Variants in TBC1D12 observed in about 807,000 individuals in gnomAD.
The protein encoded by TBC1D12 is TBC1 domain family, member 12.
A neutral mutation model predicts 86.7 loss-of-function variants in TBC1D12; 56 were observed. The ratio of observed to expected loss-of-function variants is 0.65; its 90% CI spans 0.52 to 0.81. The LOEUF (loss-of-function observed/expected upper bound fraction) is 0.81, where lower values mean the gene tolerates loss of function less well. TBC1D12 is among the 30% of genes least tolerant of loss of function. The pLI, the probability that TBC1D12 is intolerant of heterozygous loss-of-function variation, is 0.00. For synonymous variants in TBC1D12, 421 were observed against 411.7 expected, an observed-to-expected ratio of 1.02 and a Z score of -0.27; for missense variants, 1,023 against 1,038.8, an observed-to-expected ratio of 0.98 and a Z score of 0.21.
At chr10:94,444,462 C>G (rs17518932) in intron 2 of TBC1D12, among the ~76,000 whole-genome samples, 1 of 151,948 alleles carries the variant, frequency 6.6e-6, no homozygotes, top group Non-Finnish European at 1.5e-5. Flanking sequence ...AGTAACGTCT[C>G]TCGTCTAGAA....
rs546065811 is a variant in TBC1D12, at chr10:94,439,158, T to C, written c.972-2738T>C. On this transcript the variant is annotated intron_variant, in intron 1 of 12. Transcript: ENST00000225235. The stretch of plus-strand genomic sequence containing the variant: ...TTTGGTGGGGAGACTGACCCCTAGA[T>C]CTTTCTATTCTGTCATTTTGCATCC... Among the ~76,000 whole-genome samples the C allele has an allele frequency of 1.2e-4, 19 of 152,280 alleles. No homozygotes were observed. The East Asian group carries it at 3.1e-3, about 25-fold the overall frequency.
chr10:94,426,388 A>G (rs568894634), intron 1 of TBC1D12, among the ~76,000 whole-genome samples: 38 of 151,864 alleles, frequency 2.5e-4, no homozygotes, highest in African/African-American at 8.9e-4. Context: ...TGGATTTTTT[A>G]TTTTATTAGT....
rs770516137 is a variant in TBC1D12, at chr10:94,531,448, A to G, written c.2247A>G (p.Lys749=). The G allele has an allele frequency of 6.2e-7, 1 of 1,612,734 alleles. No homozygotes were observed. Among genetic ancestry groups the G allele is most frequent in the Non-Finnish European group, 8.5e-7 (1 of 1,179,134 alleles). Residue 749 remains lysine (K), a synonymous_variant, in exon 12 of 13, where the codon AAA becomes AAG. Coordinates refer to ENST00000225235, the MANE Select transcript of TBC1D12 (RefSeq NM_015188.2). Reference sequence around the variant, plus strand: ...CCATTCAGATGCAGAATAGCACCAAAAAATGGACTCAGGTAGAGTGACATT... The same window carrying G: ...CCATTCAGATGCAGAATAGCACCAAGAAATGGACTCAGGTAGAGTGACATT... ...IAAIQMQNST[K]KWTQVFASVM...
At chr10:94,488,623 C>G (rs1268737729) in intron 3 of TBC1D12, among the ~76,000 whole-genome samples, 3 of 151,498 alleles carry the variant, frequency 2.0e-5, no homozygotes, top group Non-Finnish European at 4.4e-5. Context: ...AACTCCTGAC[C>G]TCAAGTGATT....
chr10:94,449,854 T>G (rs79926909), intron 2 of TBC1D12, among the ~76,000 whole-genome samples: 1 of 152,344 alleles, frequency 6.6e-6, no homozygotes, highest in East Asian at 1.9e-4. Context: ...TAGGCAGCTA[T>G]TCAAAGATTC....
intron 1 of TBC1D12, among the ~76,000 whole-genome samples, chr10:94,418,546 T>A (rs1056383083): frequency 6.6e-6 from 1 of 151,180 alleles, no homozygotes; most frequent in African/African-American, 2.4e-5. Flanking sequence ...CAATCTTTTA[T>A]ACTTTGGTCT....
In TBC1D12 at chr10:94,491,363, A is replaced by G. The variant is rs149257300; in HGVS notation, c.1212-2002A>G. On this transcript the variant is annotated intron_variant, in intron 3 of 12. Transcript: ENST00000225235. ...CCTTTTTCCACACTAGCCTGTTGAA[A>G]AGAAAAGACTGACTCCTAAAACTGG... Among the ~76,000 whole-genome samples the G allele has an allele frequency of 3.2e-3, 485 of 152,334 alleles. 1 individual carries two copies. Among genetic ancestry groups the G allele is most frequent in the African/African-American group, 0.011 (468 of 41,578 alleles).
chr10:94,456,899 C>T (rs540593870), intron 2 of TBC1D12, among the ~76,000 whole-genome samples: 1 of 152,254 alleles, frequency 6.6e-6, no homozygotes, highest in South Asian at 2.1e-4. Flanking sequence ...GGATTACTAA[C>T]CCCTTTATTA....
Position 94,403,437 on chromosome 10 carries a change from A to T in TBC1D12, c.824A>T (p.Asn275Ile). 3 of 1,548,402 alleles carry T rather than the reference A, an allele frequency of 1.9e-6. No individual in the cohort carries two copies. The highest frequency in any genetic ancestry group is 2.6e-6 in the Non-Finnish European group (3 of 1,147,190). ...GFSDIHFNSR[N>I]TFQVSRGQSA... Reference sequence around the variant, plus strand: ...TCTGACATTCACTTCAACTCTCGCAACACGTTCCAGGTGAGCCGCGGTCAG... The same window carrying T: ...TCTGACATTCACTTCAACTCTCGCATCACGTTCCAGGTGAGCCGCGGTCAG... The change falls in exon 1 of 13, where the codon AAC (asparagine) becomes ATC (isoleucine). Residue 275 changes from asparagine to isoleucine, a missense_variant. By Grantham distance (149) the Asn-to-Ile change is moderately radical. Around this residue, in one of 2 missense-constraint regions of TBC1D12, gnomAD observed 628 missense variants for 531.1 expected, o/e 1.18. Transcript: ENST00000225235.
chr10:94,451,045 G>C (rs1458748969), intron 2 of TBC1D12, among the ~76,000 whole-genome samples: 1 of 152,000 alleles, frequency 6.6e-6, no homozygotes, highest in Non-Finnish European at 1.5e-5. Context: ...GGTGGGGAGT[G>C]CATGTTAGGG....
At chr10:94,491,808 TAA>T in intron 3 of TBC1D12, among the ~76,000 whole-genome samples, 3 of 146,582 alleles carry the variant, frequency 2.0e-5, no homozygotes, top group Admixed American at 6.9e-5. Flanking sequence ...ATTTTATTAG[TAA>T]TGCCCCCAAA....
At chr10:94,483,509 A>G (rs533288282) in intron 3 of TBC1D12, among the ~76,000 whole-genome samples, 1 of 152,340 alleles carries the variant, frequency 6.6e-6, no homozygotes, top group East Asian at 1.9e-4. Flanking sequence ...TTCTCTGATC[A>G]GTGATGTTGA....
chr10:94,451,042 A>C (rs772266016), intron 2 of TBC1D12, among the ~76,000 whole-genome samples: 2 of 152,040 alleles, frequency 1.3e-5, no homozygotes, highest in Non-Finnish European at 2.9e-5. Flanking sequence ...GGTGGTGGGG[A>C]GTGCATGTTA....
chr10:94,428,309 A>G (rs1409431178), intron 1 of TBC1D12, among the ~76,000 whole-genome samples: 2 of 143,218 alleles, frequency 1.4e-5, no homozygotes, highest in African/African-American at 5.2e-5. Context: ...TTTTTTTAAG[A>G]CAGGGTCTCA....
At chr10:94,511,388 G>A (rs1275640474) in intron 8 of TBC1D12, among the ~76,000 whole-genome samples, 195 bp from the exon 9 acceptor site, 3 of 151,942 alleles carry the variant, frequency 2.0e-5, no homozygotes, top group African/African-American at 4.8e-5. Flanking sequence ...ATGAGCCACC[G>A]CACCCATCTG....
At chr10:94,506,665 T>G (rs2056464138) in intron 6 of TBC1D12, among the ~76,000 whole-genome samples, 1 of 152,020 alleles carries the variant, frequency 6.6e-6, no homozygotes, top group Non-Finnish European at 1.5e-5. Flanking sequence ...AAGATAGGGG[T>G]AGAGATTTTG....
In TBC1D12 at chr10:94,493,425, G is replaced by T; in HGVS notation, c.1272G>T (p.Met424Ile). The change falls in exon 4 of 13, where the codon ATG becomes ATT. Residue 424 changes from methionine to isoleucine, a missense_variant. Around this residue, in one of 2 missense-constraint regions of TBC1D12, gnomAD observed 395 missense variants for 507.7 expected, o/e 0.78. Coordinates refer to ENST00000225235, the MANE Select transcript of TBC1D12 (RefSeq NM_015188.2). ...GTCACCGACAAGAATACGATGAGATGGTGGCTGAGGCTAAAAAACGAGGTA... is the reference window on the plus strand; with the variant it reads ...GTCACCGACAAGAATACGATGAGATTGTGGCTGAGGCTAAAAAACGAGGTA... Reference protein sequence around the residue: ...ALRHRQEYDEMVAEAKKREIK... With the variant: ...ALRHRQEYDEIVAEAKKREIK... 6.2e-7 allele frequency: 1 copy of T among 1,612,038 alleles called. No individual in the cohort carries two copies. Among genetic ancestry groups the T allele is most frequent in the Non-Finnish European group, 8.5e-7 (1 of 1,179,494 alleles).
At chr10:94,506,608 A>G (rs1028515024) in intron 6 of TBC1D12, among the ~76,000 whole-genome samples, 5 of 152,234 alleles carry the variant, frequency 3.3e-5, no homozygotes, top group Non-Finnish European at 7.3e-5. Context: ...TGAAGTTTTT[A>G]TGAGACCCTG....
chr10:94,427,039 G>A (rs1054322093), intron 1 of TBC1D12, among the ~76,000 whole-genome samples: 1 of 152,048 alleles, frequency 6.6e-6, no homozygotes, highest in Non-Finnish European at 1.5e-5. Flanking sequence ...ATCCCCAAAA[G>A]AAACCCTGTA....
Sources: allele counts gnomAD v4.1 joint callset (sites outside exome capture counted in the v4.1 genomes callset), GRCh38; gene constraint gnomAD v4.1.1; regional missense constraint gnomAD v4.1.1; transcripts MANE v1.5; gene names NCBI Gene and HGNC (gene_info 2026-07-23, HGNC 2026-07-21).